SDK2: variants seen among roughly 807,000 people sequenced by gnomAD.
SDK2 encodes the protein sidekick cell adhesion molecule 2.
Under a neutral mutation model 253.9 loss-of-function variants are expected in SDK2, and 105 were observed. That is an observed-to-expected ratio of 0.41 (90% CI 0.35 to 0.49). SDK2 has a LOEUF of 0.49. Ranked by LOEUF, SDK2 falls within the 20% of genes least tolerant of loss-of-function variation. The pLI is 0.06. For synonymous variants in SDK2, 1,249 were observed against 1,234.9 expected (o/e 1.01, Z -0.24); for missense variants, 2,608 against 3,003.0 (o/e 0.87, Z 3.07).
Position 73,361,972 on chromosome 17 carries a change from C to A in SDK2, c.5306-127G>T. On this transcript the variant is annotated intron_variant, in intron 38 of 44. Coordinates refer to ENST00000392650, the MANE Select transcript of SDK2 (RefSeq NM_001144952.2). This position sits in a 1 kb window ranked among gnomAD's most constrained non-coding sequence, Gnocchi z 4.1. ...GGGTAGGGGCCTCACTCCTTGAGGT[C>A]AGGCTGAAATGCACCCCCAGCCCAC... 1.1e-6 allele frequency: 1 copy of A among 871,838 alleles called. No individual in the cohort carries two copies. The highest frequency in any genetic ancestry group is 1.8e-5 in the South Asian group (1 of 54,964). The allele number at this position is 871,838 out of a possible 1,614,324, so 54.0% of individuals were successfully genotyped here. A position where few individuals can be genotyped will look rare whatever the true frequency, so the allele number is the denominator to read the frequency against.
At chr17:73,519,240 G>A (rs1382463275) in intron 1 of SDK2, 2 of 152,284 alleles carry the variant, frequency 1.3e-5, no homozygotes, top group Non-Finnish European at 2.9e-5. Flanking sequence ...ATGCTTCCCA[G>A]GGGCAGCCCC....
chr17:73,539,816 C>A (rs1258822845), intron 1 of SDK2, among the ~76,000 whole-genome samples: 11 of 151,332 alleles, frequency 7.3e-5, no homozygotes, highest in African/African-American at 2.7e-4. Context: ...CAGAGACACA[C>A]GGGGGGAATG....
chr17:73,474,793 A>C (rs948125243), intron 2 of SDK2, among the ~76,000 whole-genome samples: 1 of 152,218 alleles, frequency 6.6e-6, no homozygotes, highest in African/African-American at 2.4e-5. Flanking sequence ...AGATGGAAGA[A>C]GAGATGGGCC....
In SDK2 at chr17:73,627,923, G is replaced by A. The variant is rs545868107; in HGVS notation, c.64+16102C>T. Among the ~76,000 whole-genome samples the A allele has an allele frequency of 1.4e-4, 21 of 152,208 alleles. No individual in the cohort carries two copies. In the South Asian group the frequency reaches 3.3e-3, roughly 24 times the overall value. ...AAAAATTAGCCAGGCGTGGTGGTGGGCGCCTGTAGTCCCAGCTACTCGGGA... is the reference window on the plus strand; with the variant it reads ...AAAAATTAGCCAGGCGTGGTGGTGGACGCCTGTAGTCCCAGCTACTCGGGA... On this transcript the variant is annotated intron_variant, in intron 1 of 44. Transcript: ENST00000392650.
At chr17:73,546,242 G>A (rs1242975909) in intron 1 of SDK2, among the ~76,000 whole-genome samples, 1 of 152,202 alleles carries the variant, frequency 6.6e-6, no homozygotes, top group Non-Finnish European at 1.5e-5. Flanking sequence ...CTCCTGTGCA[G>A]GCGGATGCAG....
At position 73,507,481 on chromosome 17, in the gene SDK2, G is replaced by T; in HGVS notation, c.181C>A (p.Leu61Ile). The T allele has an allele frequency of 1.3e-6, 2 of 1,551,632 alleles. No individual in the cohort carries two copies. The highest frequency in any genetic ancestry group is 1.7e-6 in the Non-Finnish European group (2 of 1,146,954). The change falls in exon 2 of 45, where the codon CTC becomes ATC. Residue 61 changes from leucine (L) to isoleucine (I), a missense_variant. This residue lies in a region of SDK2 where 1,505 missense variants were observed against 1,859.1 expected (regional missense o/e 0.81). Coordinates refer to ENST00000392650, the MANE Select transcript of SDK2 (RefSeq NM_001144952.2). ...EGSWPLEFKW[L>I]HNNRELTKFS... is the part of the protein sequence containing the mutation. Reference sequence around the variant, plus strand: ...TTGGTCAGCTCCCTGTTGTTGTGGAGCCACTTGAACTCCAGTGGCCAGCTG... The same window carrying T: ...TTGGTCAGCTCCCTGTTGTTGTGGATCCACTTGAACTCCAGTGGCCAGCTG...
rs2063726241 is a variant in SDK2 at position 73,481,799 on chromosome 17, T to C, written c.225-9581A>G. On this transcript the variant is annotated intron_variant, in intron 2 of 44. Coordinates refer to ENST00000392650, the MANE Select transcript of SDK2 (RefSeq NM_001144952.2). This position sits in a 1 kb window ranked among gnomAD's most constrained non-coding sequence, Gnocchi z 4.5. ...CCATGGGCTCTCGGTTTCCAGGCCT[T>C]TGGGCCCAGACTGAATTACGGTACT... Among the ~76,000 whole-genome samples the C allele has an allele frequency of 6.6e-6, 1 of 152,136 alleles. No individual in the cohort carries two copies. The highest frequency in any genetic ancestry group is 2.1e-4 in the South Asian group (1 of 4,818).
intron 17 of SDK2, among the ~76,000 whole-genome samples, 194 bp from the exon 18 acceptor site, chr17:73,414,953 A>G (rs1297053681): frequency 2.6e-5 from 4 of 152,216 alleles, no homozygotes; most frequent in Admixed American, 6.5e-5. Context: ...GTTTAATAAA[A>G]CTTGCCTGAC....
chr17:73,387,936 C>G lies in SDK2; in HGVS notation c.4294G>C (p.Val1432Leu). The part of the protein sequence containing the change: ...WEPGSDGLSP[V>L]RYYTIQTREL... ...CGGGTCTGGATGGTGTAGTAGCGCA[C>G]AGGGGAGAGCCCGTCGCTCCCTGGC... The change falls in exon 30 of 45, where the codon GTG becomes CTG. Residue 1432 changes from valine to leucine, a missense_variant. Val to Leu is a conservative substitution (Grantham distance 32). Transcript: ENST00000392650. 1 of 1,583,924 alleles carries G rather than the reference C, an allele frequency of 6.3e-7. No homozygotes were observed. The highest frequency in any genetic ancestry group is 8.6e-7 in the Non-Finnish European group (1 of 1,165,874).
At chr17:73,418,019 T>TG (rs1410570798) in intron 16 of SDK2, among the ~76,000 whole-genome samples, 4 of 149,860 alleles carry the variant, frequency 2.7e-5, no homozygotes, top group African/African-American at 9.8e-5. Flanking sequence ...AGTTTTTTTT[T>TG]TTTTTTTTTG....
chr17:73,524,362 A>G (rs1381319311), intron 1 of SDK2, among the ~76,000 whole-genome samples: 2 of 151,892 alleles, frequency 1.3e-5, no homozygotes, highest in Admixed American at 1.3e-4. Context: ...CGCCCCGGCC[A>G]TTCACCCTTC....
At chr17:73,593,512 G>A (rs1166812960) in intron 1 of SDK2, among the ~76,000 whole-genome samples, 1 of 152,168 alleles carries the variant, frequency 6.6e-6, no homozygotes, top group Non-Finnish European at 1.5e-5. Flanking sequence ...GCCTCTAAGG[G>A]ACCAGGAGTG....
chr17:73,499,186 C>T (rs1001319175), intron 2 of SDK2, among the ~76,000 whole-genome samples: 8 of 152,230 alleles, frequency 5.3e-5, no homozygotes, highest in African/African-American at 1.9e-4. Flanking sequence ...GATAAAGCCG[C>T]TGGCCTGGGG....
rs149199053 is a variant in SDK2, at chr17:73,370,656, C to T, written c.4981-2063G>A. Among the ~76,000 whole-genome samples, 353 of 152,222 alleles carry T rather than the reference C, an allele frequency of 2.3e-3. 2 individuals are homozygous for T. Among genetic ancestry groups the T allele is most frequent in the African/African-American group, 8.2e-3 (340 of 41,536 alleles). ...TCACTGTAACCTTGACCTCCAGGTT[C>T]AAGCAATCCTCCCGCCTCAGCCCCC... On this transcript the variant is annotated intron_variant, in intron 36 of 44. Transcript: ENST00000392650.
Position 73,455,866 on chromosome 17 carries a change from C to CACCCCAACCCA in SDK2, c.479+39_479+40insTGGGTTGGGGT. ...CTGGCCCCAAACCTCCTCCCCCAGACACCCCTCCCCTCCCCGTCCCCTCAG... is the reference window on the plus strand; with the variant it reads ...CTGGCCCCAAACCTCCTCCCCCAGACACCCCAACCCAACCCCTCCCCTCCCCGTCCCCTCAG... On this transcript the variant is annotated intron_variant, in intron 4 of 44. Transcript: ENST00000392650. The surrounding 1 kb of genome is among the most constrained non-coding windows in gnomAD (Gnocchi z 5.0). 1.3e-6 allele frequency: 2 copies of CACCCCAACCCA among 1,507,646 alleles called. No homozygotes were observed. Among genetic ancestry groups the CACCCCAACCCA allele is most frequent in the Non-Finnish European group, 1.8e-6 (2 of 1,128,354 alleles). 93.4% of individuals were successfully genotyped at this position (1,507,646 alleles called of 1,614,324 possible).
At chr17:73,633,025 GA>G (rs755479476) in intron 1 of SDK2, among the ~76,000 whole-genome samples, 4 of 152,268 alleles carry the variant, frequency 2.6e-5, no homozygotes, top group Admixed American at 2.0e-4. Flanking sequence ...GCTCACACCT[GA>G]AACCACAGCA....
chr17:73,627,703 A>G (rs11077694), intron 1 of SDK2, among the ~76,000 whole-genome samples: 48,702 of 152,146 alleles, frequency 0.32, 7,893 homozygotes, highest in South Asian at 0.37. Flanking sequence ...CAAATCGTAC[A>G]TCAGACAATC....
chr17:73,376,573 T>G (rs2062782901), intron 36 of SDK2, among the ~76,000 whole-genome samples: 1 of 152,218 alleles, frequency 6.6e-6, no homozygotes, highest in South Asian at 2.1e-4. Context: ...ACATCCACAG[T>G]TGCCGCTCAG....
intron 27 of SDK2, among the ~76,000 whole-genome samples, 176 bp from the exon 28 acceptor site, chr17:73,391,714 C>T (rs1466085574): frequency 5.9e-5 from 9 of 152,210 alleles, no homozygotes; most frequent in East Asian, 5.8e-4. Context: ...GGGGCAAGAA[C>T]GTGGAACCAA....
Sources: allele counts gnomAD v4.1 joint callset (sites outside exome capture counted in the v4.1 genomes callset), GRCh38; gene constraint gnomAD v4.1.1; regional missense constraint gnomAD v4.1.1; non-coding constraint Gnocchi (gnomAD v3.1); transcripts MANE v1.5; gene names NCBI Gene and HGNC (gene_info 2026-07-23, HGNC 2026-07-21).